The following UGT2B10 variants were observed in gnomAD, a reference collection of about 807,000 sequenced individuals.
UGT2B10 encodes the protein UDP-glucuronosyltransferase 2B10.
Under a neutral mutation model 43.7 loss-of-function variants are expected in UGT2B10, and 51 were observed. The observed-to-expected ratio is 1.17, with a 90% CI of 0.93 to 1.47. UGT2B10 has a LOEUF of 1.47. Among genes scored for constraint, UGT2B10 ranks in the 40% most tolerant of loss-of-function variants. The pLI, the probability that UGT2B10 is intolerant of heterozygous loss-of-function variation, is 0.00. For synonymous variants in UGT2B10, 225 were observed against 209.0 expected (o/e 1.08, Z -0.66); for missense variants, 696 against 617.7 (o/e 1.13, Z -1.34).
At chr4:68,816,845 A>G in intron 1 of UGT2B10, 108 bp downstream of exon 1, 1 of 929,474 alleles carries the variant, frequency 1.1e-6, no homozygotes. Context: ...TGGTAAATGA[A>G]TTTATGAAAT....
In UGT2B10 at chr4:68,821,343, C is replaced by T. The variant is rs533242829; in HGVS notation, c.868-928C>T. On this transcript the variant is annotated intron_variant, in intron 2 of 5. Coordinates refer to ENST00000265403, the MANE Select transcript of UGT2B10 (RefSeq NM_001075.6). The stretch of plus-strand genomic sequence containing the variant: ...TGTAATGTGGTGTGCGTGAGCTACT[C>T]AAAAGAGAGACAAGATCCCCCTGAA... 1.4e-4 allele frequency among the ~76,000 whole-genome samples: 21 copies of T among 152,236 alleles called. No individual in the cohort carries two copies. In the South Asian group the frequency reaches 1.7e-3, roughly 12 times the overall value.
rs561423377 is a variant in UGT2B10, at chr4:68,823,558, C to T, written c.999+1156C>T. ...ACTCTACTGTAGTATATTTCAGGAC[C>T]TAGAAGTTTTACTTTTATAAACATG... On this transcript the variant is annotated intron_variant, in intron 3 of 5. Transcript: ENST00000265403. Among the ~76,000 whole-genome samples the T allele has an allele frequency of 7.4e-4, 112 of 152,140 alleles. 1 individual carries two copies. The South Asian group carries it at 0.01, about 14-fold the overall frequency.
At position 68,822,407 on chromosome 4, in the gene UGT2B10, G is replaced by C; in HGVS notation, c.999+5G>C. The C allele has an allele frequency of 6.2e-7, 1 of 1,613,202 alleles. No individual in the cohort carries two copies. The highest frequency in any genetic ancestry group is 8.5e-7 in the Non-Finnish European group (1 of 1,179,648). ...CTTGCCAAGATCCCACAAAAGGTAAGATAAAGTGCCTTACTGGTGTGGAAA... is the reference window on the plus strand; with the variant it reads ...CTTGCCAAGATCCCACAAAAGGTAACATAAAGTGCCTTACTGGTGTGGAAA... On this transcript the variant is annotated splice_donor_5th_base_variant and intron_variant, in intron 3 of 5. Transcript: ENST00000265403.
At chr4:68,820,276 T>G (rs541448154) in intron 2 of UGT2B10, among the ~76,000 whole-genome samples, 1 of 152,104 alleles carries the variant, frequency 6.6e-6, no homozygotes, top group Non-Finnish European at 1.5e-5. Flanking sequence ...TTGTTTATTA[T>G]GTAAAATATT....
rs375433247 is a variant in UGT2B10 at position 68,826,531 on chromosome 4, G to A, written c.1087+34G>A. ...CTGGTGAACAATACTGGATATATTA[G>A]TAACTGCACATTAGAGTGTTAATAG... On this transcript the variant is annotated intron_variant, in intron 4 of 5. Transcript: ENST00000265403. The A allele has an allele frequency of 3.9e-4, 614 of 1,590,240 alleles. 4 individuals carry two copies. In the African/African-American group the frequency reaches 7.0e-3, roughly 18 times the overall value.
chr4:68,819,569 T>A (rs1265381874), intron 2 of UGT2B10, among the ~76,000 whole-genome samples: 2 of 151,966 alleles, frequency 1.3e-5, no homozygotes, highest in African/African-American at 2.4e-5. Context: ...ATCCCAGAAT[T>A]TTACATTTTA....
chr4:68,830,080 T>C (rs944543359), intron 5 of UGT2B10, among the ~76,000 whole-genome samples: 1 of 152,088 alleles, frequency 6.6e-6, no homozygotes, highest in African/African-American at 2.4e-5. Flanking sequence ...ATTCTCAGAT[T>C]GCATTTTCAC....
At chr4:68,820,396 A>G (rs746616221) in intron 2 of UGT2B10, among the ~76,000 whole-genome samples, 1 of 152,116 alleles carries the variant, frequency 6.6e-6, no homozygotes, top group Non-Finnish European at 1.5e-5. Flanking sequence ...TTTTAAAAAT[A>G]CATATTGTTA....
Position 68,826,472 on chromosome 4 carries a change from G to A in UGT2B10, c.1062G>A (p.Lys354=). Reference sequence around the variant, plus strand: ...TAGGTCTCAATACTCGACTGTACAAGTGGATACCCCAGAATGACCTTCTAG... The same window carrying A: ...TAGGTCTCAATACTCGACTGTACAAATGGATACCCCAGAATGACCTTCTAG... The part of the protein sequence containing the change: ...DALGLNTRLY[K]WIPQNDLLGH... The change falls in exon 4 of 6, where the codon AAG becomes AAA. Residue 354 remains lysine (K), a synonymous_variant. Coordinates refer to ENST00000265403, the MANE Select transcript of UGT2B10 (RefSeq NM_001075.6). The A allele has an allele frequency of 6.2e-7, 1 of 1,612,532 alleles. No homozygotes were observed. The highest frequency in any genetic ancestry group is 1.7e-4 in the Middle Eastern group (1 of 5,938).
At chr4:68,822,247 A>G (rs1355204177) in intron 2 of UGT2B10, 24 bp from the exon 3 acceptor site, 1 of 1,608,516 alleles carries the variant, frequency 6.2e-7, no homozygotes, top group South Asian at 1.1e-5. Flanking sequence ...TTTTATGATG[A>G]AACATTTTTT....
Position 68,831,005 on chromosome 4 carries a change from C to T in UGT2B10, c.*126C>T, listed in dbSNP as rs887484352. On this transcript the variant is annotated 3_prime_UTR_variant, in exon 6 of 6. Transcript: ENST00000265403. ...AAAAAAAAATCCTTTCGAAGTCTAC[C>T]TTGTCAAGTAAAAATTTGTTTTTCA... 5 of 1,328,670 alleles carry T rather than the reference C, an allele frequency of 3.8e-6. No individual in the cohort carries two copies. The African/African-American group carries it at 5.9e-5, about 16-fold the overall frequency. 82.3% of individuals were successfully genotyped at this position (1,328,670 alleles called of 1,614,324 possible). A position where few individuals can be genotyped will look rare whatever the true frequency, so the allele number is the denominator to read the frequency against.
intron 3 of UGT2B10, among the ~76,000 whole-genome samples, chr4:68,825,949 C>G (rs1163805551): frequency 6.6e-6 from 1 of 152,040 alleles, no homozygotes; most frequent in Non-Finnish European, 1.5e-5. Flanking sequence ...AACTTACATT[C>G]CAACCAACAG....
intron 1 of UGT2B10, among the ~76,000 whole-genome samples, chr4:68,817,513 C>T (rs567397510): frequency 2.0e-5 from 3 of 151,672 alleles, no homozygotes; most frequent in Admixed American, 6.6e-5. Context: ...AGCTTGGATC[C>T]AAATGAGTAG....
At chr4:68,824,466 C>T (rs1156493402) in intron 3 of UGT2B10, among the ~76,000 whole-genome samples, 1 of 152,082 alleles carries the variant, frequency 6.6e-6, no homozygotes, top group Non-Finnish European at 1.5e-5. Context: ...AGAAGGAAGC[C>T]AGGCAGGGGA....
At chr4:68,817,193 A>T (rs116316883) in intron 1 of UGT2B10, among the ~76,000 whole-genome samples, 1 of 151,740 alleles carries the variant, frequency 6.6e-6, no homozygotes, top group Non-Finnish European at 1.5e-5. Flanking sequence ...TTCCCATGTT[A>T]CCAGGAGGTT....
At chr4:68,827,298 A>T in intron 4 of UGT2B10, 31 bp from the exon 5 acceptor site, 1 of 1,612,120 alleles carries the variant, frequency 6.2e-7, no homozygotes, top group Non-Finnish European at 8.5e-7. Flanking sequence ...TATTCCTATG[A>T]ATAATTTTGC....
At chr4:68,826,604 A>T in intron 4 of UGT2B10, 107 bp downstream of exon 4, 3 of 1,341,472 alleles carry the variant, frequency 2.2e-6, no homozygotes, top group Non-Finnish European at 3.0e-6. Flanking sequence ...GAAAACAAAA[A>T]AGAACTTCTT....
rs754715627 is a variant in UGT2B10, at chr4:68,816,001, A to T, written c.-19A>T. On this transcript the variant is annotated 5_prime_UTR_variant, in exon 1 of 6. Coordinates refer to ENST00000265403, the MANE Select transcript of UGT2B10 (RefSeq NM_001075.6). ...AGAAAGAAACAGTGACTGGAAAAGA[A>T]TTATCACATTGCACAAGGATGGCTC... The T allele has an allele frequency of 3.7e-6, 6 of 1,611,488 alleles. No homozygotes were observed. The highest frequency in any genetic ancestry group is 2.2e-5 in the South Asian group (2 of 91,006).
At chr4:68,817,876 T>A (rs926187025) in intron 1 of UGT2B10, among the ~76,000 whole-genome samples, 153 bp from the exon 2 acceptor site, 2 of 151,810 alleles carry the variant, frequency 1.3e-5, no homozygotes, top group African/African-American at 4.8e-5. Context: ...ACATAAAAAA[T>A]AAATTATTCC....
Sources: gnomAD v4.1 joint callset for allele counts (sites outside exome capture counted in the v4.1 genomes callset) on GRCh38, gnomAD v4.1.1 for gene constraint, MANE v1.5 for transcripts, NCBI Gene and HGNC (gene_info 2026-07-23, HGNC 2026-07-21) for gene names.